Variants in NOX4 observed in about 807,000 individuals in gnomAD.
NOX4 encodes the protein kidney oxidase-1.
In NOX4, 69 loss-of-function variants were observed where a neutral mutation model predicts 87.6. That is an observed-to-expected ratio of 0.79 (90% CI 0.65 to 0.96). NOX4 has a LOEUF of 0.96. Ranked by LOEUF, NOX4 falls within the 40% of genes least tolerant of loss-of-function variation. NOX4 has a pLI of 0.00. For synonymous variants in NOX4, 275 were observed against 238.2 expected (o/e 1.15, Z -1.42); for missense variants, 680 against 681.5 (o/e 1.00, Z 0.02).
chr11:89,383,614 A>G (rs1258578191), intron 11 of NOX4, among the ~76,000 whole-genome samples: 1 of 152,130 alleles, frequency 6.6e-6, no homozygotes, highest in Admixed American at 6.5e-5. Flanking sequence ...TTGCCTCCAT[A>G]ACTGTTGTGG....
At chr11:89,429,415 G>C (rs561403344) in intron 7 of NOX4, among the ~76,000 whole-genome samples, 1 of 151,922 alleles carries the variant, frequency 6.6e-6, no homozygotes, top group Non-Finnish European at 1.5e-5. Context: ...ATCAATGAAT[G>C]CAGAAGCTGG....
chr11:89,499,876 C>CTT (rs34737716), upstream of NOX4, among the ~76,000 whole-genome samples: 131,702 of 151,966 alleles, frequency 0.87, 57,415 homozygotes, highest in Non-Finnish European at 0.92. Flanking sequence ...GAGCACCTCT[C>CTT]ATTATTATTT....
the NOX4 span, among the ~76,000 whole-genome samples, chr11:89,569,912 GA>G: frequency 6.6e-6 from 1 of 150,896 alleles, no homozygotes; most frequent in African/African-American, 2.4e-5. Flanking sequence ...TGAGGCAGGA[GA>G]ATGGCACGAA....
chr11:89,378,253 C>T (rs1052868697), intron 11 of NOX4, among the ~76,000 whole-genome samples: 12 of 152,142 alleles, frequency 7.9e-5, no homozygotes, highest in African/African-American at 2.9e-4. Context: ...TAAACGAATA[C>T]TTATCAACCA....
intron 4 of NOX4, among the ~76,000 whole-genome samples, chr11:89,444,443 C>A (rs1944593919): frequency 6.7e-6 from 1 of 149,960 alleles, no homozygotes; most frequent in Non-Finnish European, 1.5e-5. Flanking sequence ...ATGAAACAAC[C>A]CTAGTAAGTC....
At chr11:89,482,669 A>G (rs1278064814) in intron 2 of NOX4, among the ~76,000 whole-genome samples, 7 of 152,104 alleles carry the variant, frequency 4.6e-5, no homozygotes, top group Admixed American at 4.6e-4. Context: ...TGGCAGCCCT[A>G]GCAAACTAAC....
chr11:89,476,841 TATA>T (rs1437564005), intron 2 of NOX4, among the ~76,000 whole-genome samples: 1 of 152,110 alleles, frequency 6.6e-6, no homozygotes, highest in African/African-American at 2.4e-5. Context: ...ACTTCAAAAA[TATA>T]ATAACAGATG....
the NOX4 span, among the ~76,000 whole-genome samples, chr11:89,557,381 G>A: frequency 6.6e-6 from 1 of 152,150 alleles, no homozygotes; most frequent in Non-Finnish European, 1.5e-5. Context: ...TTTCCTCCGG[G>A]AAAGGAGGGA....
intron 2 of NOX4, among the ~76,000 whole-genome samples, chr11:89,463,479 C>T (rs1230291332): frequency 6.6e-6 from 1 of 151,944 alleles, no homozygotes; most frequent in African/African-American, 2.4e-5. Flanking sequence ...GGCCACAAAA[C>T]AACTCTATTT....
At chr11:89,578,637 T>C in the NOX4 span, among the ~76,000 whole-genome samples, 1 of 152,152 alleles carries the variant, frequency 6.6e-6, no homozygotes, top group African/African-American at 2.4e-5. Context: ...ACTTTCTGAC[T>C]CCAAGGTGAA....
intron 9 of NOX4, among the ~76,000 whole-genome samples, chr11:89,400,819 G>A (rs191697794): frequency 1.3e-5 from 2 of 149,236 alleles, no homozygotes; most frequent in African/African-American, 5.0e-5. Context: ...TGTACATAAT[G>A]TATATGCATA....
chr11:89,545,110 A>AT, the NOX4 span: 3 of 152,130 alleles, frequency 2.0e-5, no homozygotes, highest in Admixed American at 6.5e-5. Context: ...AATAGCTTTC[A>AT]TTTTTTGTCC....
chr11:89,507,145 G>A, the NOX4 span, among the ~76,000 whole-genome samples: 146 of 151,938 alleles, frequency 9.6e-4, no homozygotes, highest in African/African-American at 3.4e-3. Context: ...TGTGGCTGGG[G>A]TGGGCTGGGA....
At chr11:89,425,806 A>G (rs1943366226) in intron 7 of NOX4, among the ~76,000 whole-genome samples, 1 of 152,138 alleles carries the variant, frequency 6.6e-6, no homozygotes, top group African/African-American at 2.4e-5. Flanking sequence ...TAAAAACTAT[A>G]AAGACAGTTT....
chr11:89,569,667 C>T, the NOX4 span, among the ~76,000 whole-genome samples: 5 of 152,148 alleles, frequency 3.3e-5, no homozygotes, highest in East Asian at 1.9e-4. Flanking sequence ...ATGGAATTAT[C>T]GGTCATCCCA....
the NOX4 span, among the ~76,000 whole-genome samples, chr11:89,586,589 T>A: frequency 1.3e-5 from 2 of 152,086 alleles, no homozygotes; most frequent in African/African-American, 2.4e-5. Flanking sequence ...AATGGACTAC[T>A]TCTTCAAGAA....
chr11:89,354,933 T>A (rs1417924432), intron 13 of NOX4, 29 bp downstream of exon 13: 1 of 1,464,208 alleles, frequency 6.8e-7, no homozygotes, highest in African/African-American at 1.4e-5. Flanking sequence ...CATTGCCTCA[T>A]CAAAACCCAG....
the NOX4 span, among the ~76,000 whole-genome samples, chr11:89,564,327 A>G: frequency 6.6e-6 from 1 of 152,150 alleles, no homozygotes; most frequent in Admixed American, 6.5e-5. Flanking sequence ...AAGTGAAAGC[A>G]GGCATGTCTT....
At chr11:89,543,867 T>C in the NOX4 span, among the ~76,000 whole-genome samples, 1 of 152,208 alleles carries the variant, frequency 6.6e-6, no homozygotes, top group South Asian at 2.1e-4. Context: ...AATAGAATTA[T>C]ACACATTTTA....
Sources: allele counts gnomAD v4.1 joint callset (sites outside exome capture counted in the v4.1 genomes callset), GRCh38; gene constraint gnomAD v4.1.1; transcripts MANE v1.5; gene names NCBI Gene and HGNC (gene_info 2026-07-23, HGNC 2026-07-21).